Variants in ETFB observed in about 807,000 individuals in gnomAD.
ETFB encodes the protein electron transfer flavoprotein subunit beta, also known as beta-ETF.
In ETFB, 20 loss-of-function variants were observed where a neutral mutation model predicts 25.6. That is an observed-to-expected ratio of 0.78 (90% confidence interval 0.55 to 1.14). The LOEUF is 1.14. Ranked by LOEUF, ETFB falls within the 50% of genes most tolerant of loss-of-function variation. The probability of loss-of-function intolerance (pLI) is 0.00; values close to 1 mark genes in which losing one functional copy is unlikely to be tolerated. For synonymous variants in ETFB, 142 were observed against 146.7 expected (o/e 0.97, Z 0.23); for missense variants, 286 against 342.6 (o/e 0.83, Z 1.30).
intron 1 of ETFB, 25 bp downstream of exon 1, chr19:51,366,245 A>T: frequency 6.2e-7 from 1 of 1,611,828 alleles, no homozygotes; most frequent in East Asian, 2.2e-5. Flanking sequence ...GGACTCAGGG[A>T]TGTGGGAGAG....
intron 1 of ETFB, among the ~76,000 whole-genome samples, chr19:51,365,000 C>A (rs1260238664): frequency 1.3e-5 from 2 of 152,118 alleles, no homozygotes; most frequent in African/African-American, 4.8e-5. Context: ...TGAGACCAGC[C>A]TGACCAACAT....
chr19:51,355,179 T>A (rs1007869781), intron 1 of ETFB: 1 of 155,840 alleles, frequency 6.4e-6, no homozygotes, highest in Non-Finnish European at 1.4e-5. Context: ...GAGAAAATTT[T>A]TGCAGCCTAC....
At chr19:51,365,523 C>T (rs960819224) in intron 1 of ETFB, 6 of 153,160 alleles carry the variant, frequency 3.9e-5, no homozygotes, top group Non-Finnish European at 8.7e-5. Flanking sequence ...CATGGACAGA[C>T]AGTCACCATC....
rs961905773 is a variant in ETFB at position 51,353,984 on chromosome 19, A to AT, written c.216+165dup. Reference sequence around the variant, plus strand: ...CTCAGACCCAGGAGTCCAGGCCCCCATCCCCTTCTTCCTCAGACCCAGGAA... The same window carrying AT: ...CTCAGACCCAGGAGTCCAGGCCCCCATTCCCCTTCTTCCTCAGACCCAGGAA... On this transcript the variant is annotated intron_variant, in intron 2 of 5. Coordinates refer to ENST00000309244, the MANE Select transcript of ETFB (RefSeq NM_001985.3). Among the ~76,000 whole-genome samples the AT allele has an allele frequency of 2.4e-4, 25 of 105,448 alleles. 1 individual carries two copies. In the East Asian group the frequency reaches 4.3e-3, roughly 18 times the overall value. The allele number at this position is 105,448 out of a possible 152,430, so 69.2% of individuals were successfully genotyped here.
At chr19:51,360,437 A>G (rs12460204) in intron 1 of ETFB, among the ~76,000 whole-genome samples, 3 of 151,874 alleles carry the variant, frequency 2.0e-5, no homozygotes, top group South Asian at 2.1e-4. Context: ...AAATTTTTTT[A>G]AAAGCAGCAC....
rs59847031 is a variant in ETFB at position 51,357,490 on chromosome 19, C to CT, written c.58-3183dup. On this transcript the variant is annotated intron_variant, in intron 1 of 5. Coordinates refer to ENST00000309244, the MANE Select transcript of ETFB (RefSeq NM_001985.3). ...ACCACAATCCTTTTTTTCTTTCTTT[C>CT]TTTTTTTTTTTTTTTTTGAGATGGA... 2.4e-3 allele frequency among the ~76,000 whole-genome samples: 262 copies of CT among 109,132 alleles called. 3 individuals carry two copies. The East Asian group carries it at 0.028, about 12-fold the overall frequency. 71.6% of individuals were successfully genotyped at this position (109,132 alleles called of 152,430 possible).
intron 1 of ETFB, chr19:51,361,745 C>T (rs1986236183): frequency 7.0e-6 from 1 of 142,456 alleles, no homozygotes; most frequent in African/African-American, 2.7e-5. Flanking sequence ...CCCTCTGTCA[C>T]CCAGGCTGGA....
intron 1 of ETFB, among the ~76,000 whole-genome samples, chr19:51,360,131 G>A (rs1176934079): frequency 6.6e-6 from 1 of 152,028 alleles, no homozygotes; most frequent in Non-Finnish European, 1.5e-5. Flanking sequence ...GCTGGGCGTG[G>A]CGGCTCACAC....
At chr19:51,360,400 CAAA>C (rs1245691469) in intron 1 of ETFB, among the ~76,000 whole-genome samples, 1 of 113,224 alleles carries the variant, frequency 8.8e-6, no homozygotes, top group Non-Finnish European at 1.9e-5. Context: ...GATTCTATCT[CAAA>C]AAAAAAAAAA....
intron 1 of ETFB, among the ~76,000 whole-genome samples, chr19:51,363,253 G>A (rs534001666): frequency 2.0e-5 from 3 of 152,158 alleles, no homozygotes; most frequent in South Asian, 4.2e-4. Flanking sequence ...CTCTCTGCAG[G>A]GAGCTACCAG....
intron 3 of ETFB, among the ~76,000 whole-genome samples, chr19:51,351,073 G>A (rs1985923550): frequency 6.6e-6 from 1 of 152,214 alleles, no homozygotes; most frequent in Non-Finnish European, 1.5e-5. Flanking sequence ...TCAAGTCTCT[G>A]CCCTCTGTAT....
chr19:51,345,468 G>A, intron 5 of ETFB, 87 bp from the exon 6 acceptor site: 1 of 1,363,564 alleles, frequency 7.3e-7, no homozygotes, highest in Non-Finnish European at 1.0e-6. Flanking sequence ...CAGGCCTGCA[G>A]ACCAGTCCCA....
chr19:51,354,107 G>T, intron 2 of ETFB, 43 bp downstream of exon 2: 1 of 1,581,078 alleles, frequency 6.3e-7, no homozygotes, highest in Non-Finnish European at 8.6e-7. Context: ...CCCCTCCTCC[G>T]TCAGACCCAG....
chr19:51,345,265 C>T lies in ETFB; in HGVS notation c.714G>A (p.Lys238=), dbSNP rs768290418. 1 of 1,614,208 alleles carries T rather than the reference C, an allele frequency of 6.2e-7. No individual in the cohort carries two copies. The highest frequency in any genetic ancestry group is 1.3e-5 in the African/African-American group (1 of 75,050). The stretch of plus-strand genomic sequence containing the variant: ...CCACCAGGTCCTCAGTGGTCTCCAC[C>T]TTGACGCCGGCCGTGCGCTGGGGCG... ...EDPPQRTAGV[K]VETTEDLVAK... Residue 238 remains lysine (K), a synonymous_variant, in exon 6 of 6, where the codon AAG becomes AAA. Coordinates refer to ENST00000309244, the MANE Select transcript of ETFB (RefSeq NM_001985.3).
intron 1 of ETFB, among the ~76,000 whole-genome samples, chr19:51,363,589 C>T (rs2123615108): frequency 6.6e-6 from 1 of 152,238 alleles, no homozygotes; most frequent in East Asian, 1.9e-4. Flanking sequence ...GCTGGGACTA[C>T]AGATACGTGC....
At chr19:51,358,936 G>T (rs1986153034) in intron 1 of ETFB, among the ~76,000 whole-genome samples, 1 of 151,962 alleles carries the variant, frequency 6.6e-6, no homozygotes, top group Non-Finnish European at 1.5e-5. Context: ...GAGGTCAAGG[G>T]TGCAGTGAGC....
At chr19:51,348,477 T>C (rs1985850778) in intron 4 of ETFB, 1 of 152,116 alleles carries the variant, frequency 6.6e-6, no homozygotes, top group East Asian at 1.9e-4. Context: ...GTGGTGATGA[T>C]TTCATGGATG....
intron 4 of ETFB, 86 bp downstream of exon 4, chr19:51,350,243 C>G (rs982626796): frequency 1.4e-6 from 2 of 1,460,038 alleles, no homozygotes; most frequent in South Asian, 1.2e-5. Flanking sequence ...GAGGAGAGAA[C>G]AGCAAATGCA....
At chr19:51,347,324 T>G in intron 4 of ETFB, 1 of 509,700 alleles carries the variant, frequency 2.0e-6, no homozygotes, top group Non-Finnish European at 3.6e-6. Context: ...AGGGAACATG[T>G]ACTGAGTGCT....
Sources: allele counts gnomAD v4.1 joint callset (sites outside exome capture counted in the v4.1 genomes callset), GRCh38; gene constraint gnomAD v4.1.1; transcripts MANE v1.5; gene names NCBI Gene and HGNC (gene_info 2026-07-23, HGNC 2026-07-21).